The following CACNA1E variants were observed in gnomAD, a reference collection of about 807,000 sequenced individuals.
The protein encoded by CACNA1E is voltage-dependent R-type calcium channel subunit alpha-1E.
In CACNA1E, 40 loss-of-function variants were observed where a neutral mutation model predicts 259.2. That is an observed-to-expected ratio of 0.15 (90% CI 0.12 to 0.20). The LOEUF (loss-of-function observed/expected upper bound fraction) is 0.20. Ranked by LOEUF, CACNA1E falls within the 10% of genes least tolerant of loss-of-function variation. The pLI is 1.00. For synonymous variants in CACNA1E, 1,104 were observed against 1,138.5 expected, an observed-to-expected ratio of 0.97 and a Z score of 0.61; for missense variants, 1,874 against 3,040.1, an observed-to-expected ratio of 0.62 and a Z score of 9.02.
Position 181,431,722 on chromosome 1 carries a change from T to A in CACNA1E, c.434+18142T>A, listed in dbSNP as rs139139798. ...CCTGGCATTCTGCAGGATTCTTTAG[T>A]ACAAGGATTTTGACTGGGTCAAATC... On this transcript the variant is annotated intron_variant, in intron 2 of 11. Coordinates refer to the CACNA1E transcript ENST00000524607. 2.0e-5 allele frequency among the ~76,000 whole-genome samples: 3 copies of A among 152,344 alleles called. No homozygotes were observed. The East Asian group carries it at 5.8e-4, about 29-fold the overall frequency.
intron 1 of CACNA1E, among the ~76,000 whole-genome samples, chr1:181,345,816 C>T (rs1392853231): frequency 6.6e-6 from 1 of 152,180 alleles, no homozygotes; most frequent in Non-Finnish European, 1.5e-5. Flanking sequence ...TGGCCAAGGA[C>T]CGTCTGACAG....
intron 7 of CACNA1E, chr1:181,651,689 G>T: frequency 3.0e-6 from 1 of 327,976 alleles, no homozygotes; most frequent in Non-Finnish European, 5.6e-6. Context: ...AGTATGTAGT[G>T]AGAGTTCATT....
chr1:181,698,810 G>T (rs775210051), intron 7 of CACNA1E, among the ~76,000 whole-genome samples: 1 of 152,160 alleles, frequency 6.6e-6, no homozygotes, highest in Non-Finnish European at 1.5e-5. Context: ...TAGGTTAACT[G>T]TAAGACAGGC....
At chr1:181,600,136 C>G (rs1653594856) in intron 6 of CACNA1E, among the ~76,000 whole-genome samples, 1 of 152,062 alleles carries the variant, frequency 6.6e-6, no homozygotes, top group South Asian at 2.1e-4. Context: ...GAGGGAAAGC[C>G]CTGGGATATC....
At chr1:181,598,470 G>A (rs936070194) in intron 6 of CACNA1E, among the ~76,000 whole-genome samples, 3 of 152,174 alleles carry the variant, frequency 2.0e-5, no homozygotes, top group Non-Finnish European at 4.4e-5. Context: ...GGGCAGAAGC[G>A]TGGTGGAGGT....
rs374691036 is a variant in CACNA1E, at chr1:181,792,415, A to G, written c.5899-1250A>G. Among the ~76,000 whole-genome samples the G allele has an allele frequency of 3.1e-4, 47 of 152,316 alleles. No homozygotes were observed. In the East Asian group the frequency reaches 6.9e-3, roughly 22 times the overall value. On this transcript the variant is annotated intron_variant, in intron 44 of 47. Coordinates refer to ENST00000367573, the MANE Select transcript of CACNA1E (RefSeq NM_001205293.3). ...CTGCTCCATGTCCCCAGGCGTGGCC[A>G]TGATTGTGTGTGTGCATATGGAGTG...
intron 2 of CACNA1E, among the ~76,000 whole-genome samples, chr1:181,433,774 T>A (rs551985315): frequency 2.6e-5 from 4 of 152,324 alleles, no homozygotes; most frequent in Non-Finnish European, 4.4e-5. Flanking sequence ...TATAACAATA[T>A]CATTAAGTAT....
intron 35 of CACNA1E, 134 bp from the exon 36 acceptor site, chr1:181,771,158 CT>C (rs1216014563): frequency 2.0e-5 from 12 of 607,646 alleles, no homozygotes; most frequent in Admixed American, 8.1e-5. Context: ...TCCAGCAGCT[CT>C]CTGGGTCTGA....
intron 3 of CACNA1E, among the ~76,000 whole-genome samples, chr1:181,559,900 G>A (rs370279391): frequency 6.6e-5 from 10 of 152,208 alleles, no homozygotes; most frequent in East Asian, 5.8e-4. Flanking sequence ...GGCGTGGGAT[G>A]CAGAGCATCG....
chr1:181,318,591 TGCCTCCG>T (rs1395080870), intron 1 of CACNA1E, among the ~76,000 whole-genome samples: 1 of 152,136 alleles, frequency 6.6e-6, no homozygotes, highest in African/African-American at 2.4e-5. Context: ...CGCCCTTCCA[TGCCTCCG>T]GGCGCGGGCG....
intron 1 of CACNA1E, among the ~76,000 whole-genome samples, chr1:181,353,158 T>C (rs537275307): frequency 3.9e-5 from 6 of 152,102 alleles, no homozygotes; most frequent in Non-Finnish European, 8.8e-5. Flanking sequence ...CCAATGACCT[T>C]CTCCACTAAC....
upstream of CACNA1E, among the ~76,000 whole-genome samples, chr1:181,481,359 C>CACAT (rs1184412161): frequency 6.6e-6 from 1 of 151,960 alleles, no homozygotes; most frequent in African/African-American, 2.4e-5. Flanking sequence ...CACACACACA[C>CACAT]ACACACACAC....
intron 1 of CACNA1E, among the ~76,000 whole-genome samples, chr1:181,509,252 T>G (rs985562919): frequency 1.3e-5 from 2 of 152,164 alleles, no homozygotes; most frequent in African/African-American, 4.8e-5. Context: ...TCCCCAGAGA[T>G]GCCCTGGGTG....
Position 181,733,429 on chromosome 1 carries a change from C to G in CACNA1E, c.2949-8C>G, listed in dbSNP as rs1370332349. On this transcript the variant is annotated splice_region_variant and splice_polypyrimidine_tract_variant and intron_variant, in intron 20 of 47. Transcript: ENST00000367573. ...GAGCACCAGCTCTCTCTTCCTCTCT[C>G]TTCACAGGACCAACAGTCTGATGGT... 1.5e-5 allele frequency: 22 copies of G among 1,504,620 alleles called. No homozygotes were observed. Among genetic ancestry groups the G allele is most frequent in the Non-Finnish European group, 2.0e-5 (22 of 1,126,192 alleles). The allele number at this position is 1,504,620 out of a possible 1,614,324, so 93.2% of individuals were successfully genotyped here.
intron 1 of CACNA1E, among the ~76,000 whole-genome samples, chr1:181,336,289 T>C (rs1651703571): frequency 6.6e-6 from 1 of 152,338 alleles, no homozygotes; most frequent in South Asian, 2.1e-4. Context: ...TTAATAATAA[T>C]GATAAATAAG....
chr1:181,651,306 A>T, intron 6 of CACNA1E, 32 bp from the exon 7 acceptor site: 1 of 1,396,126 alleles, frequency 7.2e-7, no homozygotes, highest in Non-Finnish European at 1.0e-6. Flanking sequence ...AGATGGCTTT[A>T]AGTATTAAGG....
chr1:181,337,319 C>T (rs901029108), intron 1 of CACNA1E, among the ~76,000 whole-genome samples: 1 of 134,350 alleles, frequency 7.4e-6, no homozygotes, highest in Non-Finnish European at 1.7e-5. Flanking sequence ...CCACGCCTGG[C>T]TAATTTTTTG....
At chr1:181,691,807 A>C (rs2102325869) in intron 7 of CACNA1E, among the ~76,000 whole-genome samples, 1 of 152,306 alleles carries the variant, frequency 6.6e-6, no homozygotes, top group Non-Finnish European at 1.5e-5. Flanking sequence ...TACTACTGGA[A>C]GTCCTACCTG....
Position 181,625,284 on chromosome 1 carries a change from C to T in CACNA1E, c.952-26054C>T, listed in dbSNP as rs1289704155. 3.3e-5 allele frequency among the ~76,000 whole-genome samples: 5 copies of T among 152,188 alleles called. No individual in the cohort carries two copies. The South Asian group carries it at 8.3e-4, about 25-fold the overall frequency. On this transcript the variant is annotated intron_variant, in intron 6 of 47. Coordinates refer to ENST00000367573, the MANE Select transcript of CACNA1E (RefSeq NM_001205293.3). The stretch of plus-strand genomic sequence containing the variant: ...TTAACCTCCTAACAAGAGAGTTAGC[C>T]TGTTCTTTGAGTCTTTGAAGCCAAA...
Sources: allele counts gnomAD v4.1 joint callset (sites outside exome capture counted in the v4.1 genomes callset), GRCh38; gene constraint gnomAD v4.1.1; transcripts MANE v1.5; gene names NCBI Gene and HGNC (gene_info 2026-07-23, HGNC 2026-07-21).